Variants in KIF4A observed in about 807,000 individuals in gnomAD.
The protein encoded by KIF4A is kinesin family member 4A, also known as chromosome-associated kinesin KIF4A.
A neutral mutation model predicts 105.9 loss-of-function variants in KIF4A; 7 were observed. That is an observed-to-expected ratio of 0.07 (90% CI 0.04 to 0.12). KIF4A has a LOEUF of 0.12. KIF4A is among the 10% of genes least tolerant of loss of function. The pLI, the probability that KIF4A is intolerant of heterozygous loss-of-function variation, is 1.00. For missense variants in KIF4A, 558 were observed against 929.2 expected (o/e 0.60, Z 5.19); for synonymous variants, 281 against 331.3 (o/e 0.85, Z 1.65).
chrX:70,314,298 T>C (rs1200288954), intron 7 of KIF4A, among the ~76,000 whole-genome samples: 1 of 112,489 alleles, frequency 8.9e-6, no homozygotes, highest in East Asian at 2.8e-4. Context: ...TCTGGAATAT[T>C]TTCAGAAGGT....
chrX:70,324,028 A>G (rs996004793), intron 7 of KIF4A, among the ~76,000 whole-genome samples: 11 of 110,509 alleles, frequency 1.0e-4, no homozygotes, highest in African/African-American at 3.6e-4. Flanking sequence ...GGGTCTCACC[A>G]TGTTGACCAG....
chrX:70,383,267 T>C (rs1333221369), intron 18 of KIF4A, among the ~76,000 whole-genome samples: 1 of 109,594 alleles, frequency 9.1e-6, no homozygotes, highest in African/African-American at 3.3e-5. Flanking sequence ...AATAAGTACA[T>C]GAAAAGGTGC....
In KIF4A at chrX:70,353,555, G is replaced by A. The variant is rs190464718; in HGVS notation, c.1489-67G>A. On this transcript the variant is annotated intron_variant, in intron 14 of 30. Coordinates refer to ENST00000374403, the MANE Select transcript of KIF4A (RefSeq NM_012310.5). Reference sequence around the variant, plus strand: ...TGGAGAAGTGCCTGTGAGACTTGATGAAATAGTGCCTAAGGAACTCCATTT... The same window carrying A: ...TGGAGAAGTGCCTGTGAGACTTGATAAAATAGTGCCTAAGGAACTCCATTT... 2,108 of 985,302 alleles carry A rather than the reference G, an allele frequency of 2.1e-3. 2 individuals carry two copies. The highest frequency in any genetic ancestry group is 9.1e-3 in the Middle Eastern group (24 of 2,643). The allele number at this position is 985,302 out of a possible 1,213,427, so 81.2% of individuals were successfully genotyped here.
chrX:70,311,650 AT>A (rs2085850149), intron 7 of KIF4A, among the ~76,000 whole-genome samples: 1 of 111,550 alleles, frequency 9.0e-6, no homozygotes, highest in Non-Finnish European at 1.9e-5. Context: ...ATCTGTAGAA[AT>A]TAAGAACTCT....
At chrX:70,407,114 T>A in intron 28 of KIF4A, 39 bp downstream of exon 28, 1 of 1,152,489 alleles carries the variant, frequency 8.7e-7, no homozygotes, top group Non-Finnish European at 1.2e-6. Context: ...TGTTTTGTTG[T>A]TGTTGTTTTT....
intron 15 of KIF4A, among the ~76,000 whole-genome samples, chrX:70,358,158 G>T (rs988099461): frequency 9.0e-6 from 1 of 111,054 alleles, no homozygotes; most frequent in Non-Finnish European, 1.9e-5. Flanking sequence ...GATCCTCCCA[G>T]CCTCCCAGTC....
At chrX:70,295,482 C>G (rs1261526074) in intron 3 of KIF4A, among the ~76,000 whole-genome samples, 3 of 110,615 alleles carry the variant, frequency 2.7e-5, no homozygotes, top group Non-Finnish European at 5.7e-5. Context: ...CCAATAAACT[C>G]AAACAGAAAT....
chrX:70,409,658 A>G lies in KIF4A; in HGVS notation c.3255+2583A>G, dbSNP rs902242802. On this transcript the variant is annotated intron_variant, in intron 28 of 30. Coordinates refer to ENST00000374403, the MANE Select transcript of KIF4A (RefSeq NM_012310.5). ...CTAAAAATACAAAAATCAGCCAGGC[A>G]TGGTGACGCATGCCTGTAATCGCAG... is the stretch of plus-strand genomic sequence containing the variant. Among the ~76,000 whole-genome samples the G allele has an allele frequency of 1.1e-4, 12 of 110,327 alleles. No homozygotes were observed. The East Asian group carries it at 2.9e-3, about 26-fold the overall frequency.
chrX:70,336,367 A>G (rs2085950566), intron 10 of KIF4A, among the ~76,000 whole-genome samples: 1 of 111,694 alleles, frequency 9.0e-6, no homozygotes, highest in South Asian at 3.7e-4. Context: ...TTAAGGGTAA[A>G]TTTCTAGAAG....
chrX:70,397,947 TTACAATTGA>T (rs1322846231), intron 22 of KIF4A, among the ~76,000 whole-genome samples: 1 of 112,402 alleles, frequency 8.9e-6, no homozygotes, highest in Non-Finnish European at 1.9e-5. Flanking sequence ...CGTTGTTAGT[TTACAATTGA>T]TTATGGTGAG....
At chrX:70,348,818 C>T (rs1367909994) in intron 13 of KIF4A, among the ~76,000 whole-genome samples, 3 of 112,074 alleles carry the variant, frequency 2.7e-5, no homozygotes, top group Admixed American at 9.4e-5. Context: ...CTCTTCTTTT[C>T]GACAAAACTG....
chrX:70,349,234 G>A (rs1569238783), intron 13 of KIF4A, among the ~76,000 whole-genome samples: 1 of 92,823 alleles, frequency 1.1e-5, no homozygotes, highest in East Asian at 3.6e-4. Flanking sequence ...TCCTAGACGG[G>A]GTGGCGGCCG....
intron 15 of KIF4A, among the ~76,000 whole-genome samples, chrX:70,357,540 CT>C (rs1001403187): frequency 4.5e-5 from 5 of 112,053 alleles, no homozygotes; most frequent in Non-Finnish European, 9.4e-5. Context: ...TCTTCCTCCT[CT>C]TTAGTATACC....
intron 10 of KIF4A, among the ~76,000 whole-genome samples, chrX:70,335,119 A>G (rs888986252): frequency 9.8e-5 from 11 of 112,562 alleles, no homozygotes; most frequent in African/African-American, 3.2e-4. Context: ...ACTATTCACT[A>G]TAGTTAAGAG....
At position 70,420,764 on chromosome X, in the gene KIF4A, T is replaced by C. The variant is rs1469531889; in HGVS notation, c.*499T>C. 1 of 120,994 alleles carries C rather than the reference T, an allele frequency of 8.3e-6. No homozygotes were observed. Among genetic ancestry groups the C allele is most frequent in the Non-Finnish European group, 1.9e-5 (1 of 53,758 alleles). 10.0% of individuals were successfully genotyped at this position (120,994 alleles called of 1,213,427 possible). On this transcript the variant is annotated 3_prime_UTR_variant, in exon 31 of 31. Coordinates refer to ENST00000374403, the MANE Select transcript of KIF4A (RefSeq NM_012310.5). Reference sequence around the variant, plus strand: ...CAATAGTACTCTTGATTGTCTGCCATGTTGTTGAAGCAAATGAATTATTTT... The same window carrying C: ...CAATAGTACTCTTGATTGTCTGCCACGTTGTTGAAGCAAATGAATTATTTT...
At chrX:70,368,492 G>T (rs1569243639) in intron 15 of KIF4A, among the ~76,000 whole-genome samples, 1 of 112,476 alleles carries the variant, frequency 8.9e-6, no homozygotes, top group Non-Finnish European at 1.9e-5. Flanking sequence ...CTGCAGGTAT[G>T]TTGGAGTTTG....
Position 70,332,510 on chromosome X carries a change from G to A in KIF4A, c.1072-1118G>A, listed in dbSNP as rs549224188. Among the ~76,000 whole-genome samples the A allele has an allele frequency of 1.4e-3, 156 of 111,393 alleles. 2 individuals are homozygous for A. In the South Asian group the frequency reaches 0.055, roughly 40 times the overall value. On this transcript the variant is annotated intron_variant, in intron 9 of 30. Transcript: ENST00000374403. ...GTTGAGGAGCAACCGAGTGGCGAGC[G>A]AAAGGAAATGGAGGCAATTGGTGTA...
chrX:70,321,459 C>T (rs1009462732), intron 7 of KIF4A, among the ~76,000 whole-genome samples: 2 of 111,864 alleles, frequency 1.8e-5, no homozygotes, highest in African/African-American at 6.5e-5. Flanking sequence ...CTTCATCTCC[C>T]ACCATTTTCC....
chrX:70,323,714 C>A (rs1290276956), intron 7 of KIF4A, among the ~76,000 whole-genome samples: 1 of 111,535 alleles, frequency 9.0e-6, no homozygotes, highest in Non-Finnish European at 1.9e-5. Context: ...ATTTGTCAGT[C>A]TATATCCATT....
Sources: gnomAD v4.1 joint callset for allele counts (sites outside exome capture counted in the v4.1 genomes callset) on GRCh38, gnomAD v4.1.1 for gene constraint, MANE v1.5 for transcripts, NCBI Gene and HGNC (gene_info 2026-07-23, HGNC 2026-07-21) for gene names.